MDGA1: variants seen among roughly 807,000 people sequenced by gnomAD.
MDGA1 encodes MAM domain containing glycosylphosphatidylinositol anchor 1, also known as MAM domain-containing glycosylphosphatidylinositol anchor protein 1.
In MDGA1, 54 loss-of-function variants were observed where a neutral mutation model predicts 101.5. That is an observed-to-expected ratio of 0.53 (90% CI 0.43 to 0.67). The LOEUF is 0.67. Among genes scored for constraint, MDGA1 ranks in the 30% least tolerant of loss-of-function variants. MDGA1 has a pLI of 0.00. For synonymous variants in MDGA1, 533 were observed against 558.3 expected (o/e 0.95, Z 0.64); for missense variants, 1,083 against 1,323.8 (o/e 0.82, Z 2.82).
In MDGA1 at chr6:37,631,717, A is replaced by C. The variant is rs1248134654; in HGVS notation, c.*5651T>G. ...TATGAGTAGATGTTTGAAATAAGTGACCTTTAAGGACCTCCTAGCTCTGAA... is the reference window on the plus strand; with the variant it reads ...TATGAGTAGATGTTTGAAATAAGTGCCCTTTAAGGACCTCCTAGCTCTGAA... On this transcript the variant is annotated 3_prime_UTR_variant, in exon 17 of 17. Coordinates refer to ENST00000434837, the MANE Select transcript of MDGA1 (RefSeq NM_153487.4). The C allele has an allele frequency of 1.3e-5, 2 of 152,094 alleles. No individual in the cohort carries two copies. Among genetic ancestry groups the C allele is most frequent in the Non-Finnish European group, 2.9e-5 (2 of 68,030 alleles). 9.4% of individuals were successfully genotyped at this position (152,094 alleles called of 1,614,324 possible).
intron 1 of MDGA1, among the ~76,000 whole-genome samples, chr6:37,665,349 A>C (rs879694797): frequency 4.4e-4 from 67 of 152,194 alleles, no homozygotes; most frequent in Non-Finnish European, 9.3e-4. Context: ...TCCCTGCTCT[A>C]AAGAGGGGCA....
At chr6:37,659,487 A>G (rs543835758) in intron 2 of MDGA1, among the ~76,000 whole-genome samples, 10 of 152,340 alleles carry the variant, frequency 6.6e-5, no homozygotes, top group African/African-American at 2.4e-4. Flanking sequence ...ACCTAAGCCT[A>G]CTACTCAAGG....
intron 1 of MDGA1, among the ~76,000 whole-genome samples, chr6:37,666,130 G>A (rs1262954176): frequency 2.7e-5 from 4 of 150,784 alleles, no homozygotes; most frequent in East Asian, 1.9e-4. Context: ...GGTGGATCAC[G>A]AGGTCAGGAG....
At chr6:37,672,583 T>G (rs6458010) in intron 1 of MDGA1, among the ~76,000 whole-genome samples, 53,161 of 151,482 alleles carry the variant, frequency 0.35, 11,390 homozygotes, top group African/African-American at 0.61. Flanking sequence ...GGAGAAGGAG[T>G]GGCTGCAAAA....
At chr6:37,670,780 G>C (rs1761851601) in intron 1 of MDGA1, among the ~76,000 whole-genome samples, 2 of 152,180 alleles carry the variant, frequency 1.3e-5, no homozygotes. Context: ...CCTTGCCTCA[G>C]TTCTGCGAAG....
At chr6:37,651,825 C>T (rs1761369003) in intron 7 of MDGA1, among the ~76,000 whole-genome samples, 186 bp downstream of exon 7, 2 of 152,184 alleles carry the variant, frequency 1.3e-5, no homozygotes, top group South Asian at 4.1e-4. Context: ...TTGCCCACCG[C>T]TCTACCCCAG....
chr6:37,684,029 C>T (rs1018396643), intron 1 of MDGA1, among the ~76,000 whole-genome samples: 1 of 152,248 alleles, frequency 6.6e-6, no homozygotes, highest in Admixed American at 6.5e-5. Flanking sequence ...TCTTCCTCCA[C>T]CCACCACTCC....
At chr6:37,651,693 C>T (rs1427002347) in intron 7 of MDGA1, among the ~76,000 whole-genome samples, 1 of 152,186 alleles carries the variant, frequency 6.6e-6, no homozygotes, top group East Asian at 1.9e-4. Flanking sequence ...TGAGGCTGCA[C>T]TGCCCTCAGG....
chr6:37,683,944 A>C (rs1422337505), intron 1 of MDGA1, among the ~76,000 whole-genome samples: 6 of 152,210 alleles, frequency 3.9e-5, no homozygotes, highest in Non-Finnish European at 7.3e-5. Context: ...GAAATTTCTC[A>C]CATGGCCACA....
chr6:37,643,277 C>CTT (rs111450568), intron 14 of MDGA1: 6 of 146,066 alleles, frequency 4.1e-5, no homozygotes, highest in Non-Finnish European at 6.0e-5. Context: ...TTTCTTTTTC[C>CTT]TTTTTTTTTT....
chr6:37,684,800 C>T (rs1459332694), intron 1 of MDGA1, among the ~76,000 whole-genome samples: 7 of 152,106 alleles, frequency 4.6e-5, no homozygotes, highest in African/African-American at 1.4e-4. Context: ...CAGGTCTTGC[C>T]GTGGCACAGA....
chr6:37,682,667 G>C (rs563099889), intron 1 of MDGA1, among the ~76,000 whole-genome samples: 1 of 152,268 alleles, frequency 6.6e-6, no homozygotes, highest in Admixed American at 6.5e-5. Flanking sequence ...TTTGCCCTAA[G>C]ATTCCCGCTG....
intron 1 of MDGA1, among the ~76,000 whole-genome samples, chr6:37,695,116 C>G (rs1407172591): frequency 6.6e-6 from 1 of 151,930 alleles, no homozygotes; most frequent in African/African-American, 2.4e-5. Context: ...GTGGGTCTTG[C>G]CAAATGCACC....
At position 37,658,338 on chromosome 6, in the gene MDGA1, G is replaced by A. The variant is rs776366719; in HGVS notation, c.289C>T (p.Arg97Cys). 3 of 1,612,948 alleles carry A rather than the reference G, an allele frequency of 1.9e-6. No individual in the cohort carries two copies. The highest frequency in any genetic ancestry group is 2.2e-5 in the South Asian group (2 of 91,008). ...SVFNETLRIE[R>C]IARTQGGRYY... The stretch of plus-strand genomic sequence containing the variant: ...CGGCCGCCCTGCGTGCGTGCAATAC[G>A]CTCGATGCGCAGCGTCTCGTTGAAC... The change falls in exon 3 of 17, where the codon CGT becomes TGT. Residue 97 changes from arginine to cysteine, a missense_variant. This residue lies in a region of MDGA1 where 310 missense variants were observed against 355.9 expected (regional missense o/e 0.87). Coordinates refer to ENST00000434837, the MANE Select transcript of MDGA1 (RefSeq NM_153487.4).
chr6:37,645,986 G>A (rs1342867925), intron 11 of MDGA1, 30 bp from the exon 12 acceptor site: 2 of 1,613,866 alleles, frequency 1.2e-6, no homozygotes, highest in African/African-American at 1.3e-5. Flanking sequence ...AACCAAGTCA[G>A]AACTGAGGTG....
chr6:37,683,507 T>C (rs1762137361), intron 1 of MDGA1, among the ~76,000 whole-genome samples: 1 of 149,948 alleles, frequency 6.7e-6, no homozygotes, highest in Non-Finnish European at 1.5e-5. Context: ...CAATTGCCAA[T>C]GCCTGCGGGC....
chr6:37,685,497 G>A (rs181119569), intron 1 of MDGA1, among the ~76,000 whole-genome samples: 1 of 152,190 alleles, frequency 6.6e-6, no homozygotes, highest in African/African-American at 2.4e-5. Context: ...TCTCATGTGG[G>A]TGTGGGCCTG....
chr6:37,648,724 G>C (rs1475827959), intron 9 of MDGA1: 5 of 595,068 alleles, frequency 8.4e-6, no homozygotes, highest in Admixed American at 3.6e-5. Context: ...TCAACCTCAA[G>C]GGAAGGTGTG....
At chr6:37,680,787 AC>A (rs1017532619) in intron 1 of MDGA1, among the ~76,000 whole-genome samples, 1 of 152,216 alleles carries the variant, frequency 6.6e-6, no homozygotes, top group Non-Finnish European at 1.5e-5. Context: ...GTCTCCATGC[AC>A]CCAGCCCAGC....
Sources: gnomAD v4.1 joint callset for allele counts (sites outside exome capture counted in the v4.1 genomes callset) on GRCh38, gnomAD v4.1.1 for gene constraint, gnomAD v4.1.1 regional missense constraint, MANE v1.5 for transcripts, NCBI Gene and HGNC (gene_info 2026-07-23, HGNC 2026-07-21) for gene names.